Variants in MAX observed in about 807,000 individuals in gnomAD.
MAX encodes MYC associated transcriptional regulator X.
A neutral mutation model predicts 22.3 loss-of-function variants in MAX; 3 were observed. The ratio of observed to expected loss-of-function variants is 0.13; its 90% CI spans 0.06 to 0.35. MAX has a LOEUF of 0.35. Among genes scored for constraint, MAX ranks in the 10% least tolerant of loss-of-function variants. The pLI, the probability that MAX is intolerant of heterozygous loss-of-function variation, is 1.00. For synonymous variants in MAX, 72 were observed against 77.7 expected (o/e 0.93, Z 0.39); for missense variants, 119 against 209.4 (o/e 0.57, Z 2.66).
In MAX at chr14:65,039,841, T is replaced by C. The variant is rs191543010; in HGVS notation, c.172-33557A>G. Among the ~76,000 whole-genome samples, 33 of 152,262 alleles carry C rather than the reference T, an allele frequency of 2.2e-4. 1 individual carries two copies. The highest frequency in any genetic ancestry group is 1.3e-3 in the Admixed American group (20 of 15,288). On this transcript the variant is annotated intron_variant, in intron 3 of 3. Transcript: ENST00000341653. ...GTATACAGGTTCATTATAAAAACTT[T>C]TTGAACAAATAGAAAAACAAAAAGG...
At chr14:65,042,727 G>T (rs1451381356) in intron 3 of MAX, among the ~76,000 whole-genome samples, 1 of 152,196 alleles carries the variant, frequency 6.6e-6, no homozygotes, top group Non-Finnish European at 1.5e-5. Context: ...AAATCCATGG[G>T]CTTAGGCACT....
At chr14:65,095,010 A>G (rs2063619974) in intron 2 of MAX, among the ~76,000 whole-genome samples, 1 of 152,270 alleles carries the variant, frequency 6.6e-6, no homozygotes, top group African/African-American at 2.4e-5. Flanking sequence ...GCTTAGCACA[A>G]GAATAATGCT....
intron 3 of MAX, chr14:65,040,989 A>G: frequency 6.4e-7 from 1 of 1,572,000 alleles, no homozygotes; most frequent in Non-Finnish European, 8.7e-7. Context: ...TCAGACATGC[A>G]GGCTTCAGGA....
At chr14:65,063,854 C>T (rs569071998) in intron 3 of MAX, among the ~76,000 whole-genome samples, 58 of 152,252 alleles carry the variant, frequency 3.8e-4, no homozygotes, top group African/African-American at 7.7e-4. Context: ...TGTGAGCCAC[C>T]GCACCTTTGG....
At chr14:65,008,639 T>C (rs2061633364) in intron 3 of MAX, among the ~76,000 whole-genome samples, 1 of 152,098 alleles carries the variant, frequency 6.6e-6, no homozygotes, top group Non-Finnish European at 1.5e-5. Flanking sequence ...ACTTAAAGGA[T>C]GGGGAGAGTG....
intron 2 of MAX, among the ~76,000 whole-genome samples, chr14:65,097,104 C>T (rs1256415): frequency 0.1 from 15,706 of 152,244 alleles, 1,809 homozygotes; most frequent in African/African-American, 0.28. Context: ...AGTTTTTATT[C>T]AGCCTCTCAG....
chr14:65,060,405 A>C (rs1286724202), intron 3 of MAX, among the ~76,000 whole-genome samples: 1 of 148,608 alleles, frequency 6.7e-6, no homozygotes, highest in Non-Finnish European at 1.5e-5. Flanking sequence ...CCGGACCAAC[A>C]TGGTGAAACC....
intron 3 of MAX, among the ~76,000 whole-genome samples, chr14:65,016,920 GT>G (rs34191835): frequency 0.011 from 1,220 of 114,830 alleles, 11 homozygotes; most frequent in African/African-American, 0.026. Context: ...GGCCCACGTG[GT>G]TTTTTTTTTT....
In MAX at chr14:65,030,655, G is replaced by A. The variant is rs2062062767; in HGVS notation, c.172-24371C>T. On this transcript the variant is annotated intron_variant, in intron 3 of 3. Coordinates refer to the MAX transcript ENST00000341653. This position sits in a 1 kb window ranked among gnomAD's most constrained non-coding sequence, Gnocchi z 4.5. Reference sequence around the variant, plus strand: ...TGCTTAGGAGGCTGAGGCAAGATCAGTTTGAGCCCAGGAGTTTGAGGTTGC... The same window carrying A: ...TGCTTAGGAGGCTGAGGCAAGATCAATTTGAGCCCAGGAGTTTGAGGTTGC... 6.6e-6 allele frequency among the ~76,000 whole-genome samples: 1 copy of A among 151,918 alleles called. No individual in the cohort carries two copies. Among genetic ancestry groups the A allele is most frequent in the Admixed American group, 6.6e-5 (1 of 15,256 alleles).
intron 3 of MAX, among the ~76,000 whole-genome samples, chr14:65,081,373 T>C (rs2063194843): frequency 6.6e-6 from 1 of 152,184 alleles, no homozygotes; most frequent in Admixed American, 6.5e-5. Flanking sequence ...AAGCTAAAAA[T>C]GCTAGACTCA....
At chr14:65,060,882 A>C (rs1295170198) in intron 3 of MAX, among the ~76,000 whole-genome samples, 1 of 151,354 alleles carries the variant, frequency 6.6e-6, no homozygotes, top group Non-Finnish European at 1.5e-5. Context: ...AAAAAAAAAA[A>C]AAAAAAAAAA....
rs554781282 is a variant in MAX at position 65,062,493 on chromosome 14, T to G, written c.171+31215A>C. The G allele has an allele frequency of 6.6e-6, 1 of 152,658 alleles. No homozygotes were observed. Among genetic ancestry groups the G allele is most frequent in the Non-Finnish European group, 1.5e-5 (1 of 68,046 alleles). The allele number at this position is 152,658 out of a possible 1,614,324, so 9.5% of individuals were successfully genotyped here. On this transcript the variant is annotated intron_variant, in intron 3 of 3. Coordinates refer to the MAX transcript ENST00000341653. The surrounding 1 kb of genome is among the most constrained non-coding windows in gnomAD (Gnocchi z 4.3). ...GGGCCATCTGTCTACTGACCTGGCC[T>G]TCATGTAAGCAGCTGTGGGCTGCGG...
intron 3 of MAX, among the ~76,000 whole-genome samples, chr14:65,058,513 G>C (rs1393594286): frequency 1.3e-5 from 2 of 152,154 alleles, no homozygotes; most frequent in Non-Finnish European, 2.9e-5. Flanking sequence ...AAAGGTAGTA[G>C]AGGGCATTCG....
intron 3 of MAX, among the ~76,000 whole-genome samples, chr14:65,081,752 G>T (rs4902361): frequency 0.48 from 72,361 of 152,032 alleles, 19,953 homozygotes; most frequent in African/African-American, 0.77. Context: ...ATAATTTTGA[G>T]TCTGTCTTTG....
chr14:65,048,376 A>C (rs1377310610), intron 3 of MAX, among the ~76,000 whole-genome samples: 1 of 152,196 alleles, frequency 6.6e-6, no homozygotes, highest in Non-Finnish European at 1.5e-5. Flanking sequence ...TAAATGTACA[A>C]ATACATTTTT....
Position 65,044,617 on chromosome 14 carries a change from T to G in MAX, c.172-38333A>C. 1 of 958,946 alleles carries G rather than the reference T, an allele frequency of 1.0e-6. No individual in the cohort carries two copies. Among genetic ancestry groups the G allele is most frequent in the Non-Finnish European group, 1.5e-6 (1 of 688,470 alleles). The allele number at this position is 958,946 out of a possible 1,614,324, so 59.4% of individuals were successfully genotyped here. On this transcript the variant is annotated intron_variant, in intron 3 of 3. Coordinates refer to the MAX transcript ENST00000341653. This position sits in a 1 kb window ranked among gnomAD's most constrained non-coding sequence, Gnocchi z 5.5. ...GGGCATGCGAATGCAGAGTAAGATTTAGTTTCATTGGTTTAGTGTCATTCT... is the reference window on the plus strand; with the variant it reads ...GGGCATGCGAATGCAGAGTAAGATTGAGTTTCATTGGTTTAGTGTCATTCT...
At position 65,031,397 on chromosome 14, in the gene MAX, A is replaced by G. The variant is rs976130240; in HGVS notation, c.172-25113T>C. On this transcript the variant is annotated intron_variant, in intron 3 of 3. Coordinates refer to the MAX transcript ENST00000341653. The surrounding 1 kb of genome is among the most constrained non-coding windows in gnomAD (Gnocchi z 4.6). The stretch of plus-strand genomic sequence containing the variant: ...CAGTGGCATGATCTTGGCTCACTGC[A>G]ACCCCCGCCTCCCGGGTTCAAGTGG... Among the ~76,000 whole-genome samples the G allele has an allele frequency of 2.6e-5, 4 of 151,582 alleles. 1 individual carries two copies. The South Asian group carries it at 6.2e-4, about 24-fold the overall frequency.
chr14:65,102,418 A>G lies in MAX; in HGVS notation c.-79T>C, dbSNP rs2063878462. The G allele has an allele frequency of 2.6e-6, 4 of 1,567,388 alleles. No homozygotes were observed. The South Asian group carries it at 4.7e-5, about 18-fold the overall frequency. On this transcript the variant is annotated 5_prime_UTR_variant, in exon 1 of 5. Transcript: ENST00000358664. ...GAAGGGGAGGGGGAAGTCACCGACA[A>G]CAACAAGCCGAGTCCCCCCCACACA...
intron 3 of MAX, among the ~76,000 whole-genome samples, chr14:65,043,873 C>CA (rs1206478784): frequency 7.1e-6 from 1 of 140,372 alleles, no homozygotes; most frequent in African/African-American, 2.7e-5. Flanking sequence ...AATGTAGTAC[C>CA]AAATTCCATT....
Sources: allele counts gnomAD v4.1 joint callset (sites outside exome capture counted in the v4.1 genomes callset), GRCh38; gene constraint gnomAD v4.1.1; non-coding constraint Gnocchi (gnomAD v3.1); transcripts MANE v1.5; gene names NCBI Gene and HGNC (gene_info 2026-07-23, HGNC 2026-07-21).